KCNH1: variants seen among roughly 807,000 people sequenced by gnomAD.
KCNH1 encodes voltage-gated delayed rectifier potassium channel KCNH1.
KCNH1 carries 27 observed loss-of-function variants against 69.2 expected under a neutral mutation model. That is an observed-to-expected ratio of 0.39 (90% CI 0.29 to 0.54). The LOEUF (loss-of-function observed/expected upper bound fraction) is 0.54, where lower values mean the gene tolerates loss of function less well. Ranked by LOEUF, KCNH1 falls within the 20% of genes least tolerant of loss-of-function variation. The pLI, the probability that KCNH1 is intolerant of heterozygous loss-of-function variation, is 0.68. For synonymous variants in KCNH1, 456 were observed against 487.7 expected (o/e 0.93, Z 0.86); for missense variants, 798 against 1,261.6 (o/e 0.63, Z 5.57).
intron 7 of KCNH1, among the ~76,000 whole-genome samples, chr1:210,848,688 G>A (rs1685614514): frequency 6.6e-6 from 1 of 152,008 alleles, no homozygotes; most frequent in Non-Finnish European, 1.5e-5. Flanking sequence ...ACATTTTTCT[G>A]TATGAAAAAT....
chr1:211,024,567 G>A (rs573413006), intron 5 of KCNH1, among the ~76,000 whole-genome samples: 1 of 152,124 alleles, frequency 6.6e-6, no homozygotes, highest in African/African-American at 2.4e-5. Context: ...TTCTATGTAC[G>A]GCTGGGTGTA....
At chr1:210,846,314 G>T (rs1375376931) in intron 7 of KCNH1, among the ~76,000 whole-genome samples, 2 of 152,112 alleles carry the variant, frequency 1.3e-5, no homozygotes, top group African/African-American at 2.4e-5. Flanking sequence ...GCATCACGCT[G>T]CCTGACTTCA....
At chr1:210,702,421 T>C (rs192078794) in intron 10 of KCNH1, among the ~76,000 whole-genome samples, 460 of 152,356 alleles carry the variant, frequency 3.0e-3, no homozygotes, top group African/African-American at 0.011. Context: ...TCTTTGTCTT[T>C]TTATCTTCTA....
chr1:211,110,543 C>T (rs1168090980), intron 1 of KCNH1, among the ~76,000 whole-genome samples: 1 of 151,986 alleles, frequency 6.6e-6, no homozygotes, highest in Non-Finnish European at 1.5e-5. Flanking sequence ...AGGTAAGCAC[C>T]TTATTAATTT....
rs575647277 is a variant in KCNH1 at position 211,052,331 on chromosome 1, G to A, written c.558+30449C>T. 7.7e-4 allele frequency among the ~76,000 whole-genome samples: 117 copies of A among 152,258 alleles called. 1 individual carries two copies. Among genetic ancestry groups the A allele is most frequent in the African/African-American group, 2.5e-3 (105 of 41,558 alleles). On this transcript the variant is annotated intron_variant, in intron 5 of 10. Coordinates refer to ENST00000271751, the MANE Select transcript of KCNH1 (RefSeq NM_172362.3). ...GCTCATTTTCAATGTACCATGAAGC[G>A]GTCGTCCAAAACACCCCAGTAATAG...
chr1:210,963,810 A>G (rs549067839), intron 6 of KCNH1, among the ~76,000 whole-genome samples: 2 of 152,272 alleles, frequency 1.3e-5, no homozygotes, highest in Non-Finnish European at 2.9e-5. Context: ...CCAAACCTAC[A>G]TTTGATTGGT....
At chr1:210,825,025 A>G (rs1421872093) in intron 7 of KCNH1, among the ~76,000 whole-genome samples, 1 of 152,212 alleles carries the variant, frequency 6.6e-6, no homozygotes, top group African/African-American at 2.4e-5. Context: ...GGCAGATAAC[A>G]GTTTTTCATC....
intron 5 of KCNH1, among the ~76,000 whole-genome samples, chr1:211,066,344 A>C (rs1157402355): frequency 6.6e-6 from 1 of 152,186 alleles, no homozygotes; most frequent in African/African-American, 2.4e-5. Flanking sequence ...GGGACCAAAA[A>C]TTCTGGATGT....
At chr1:210,753,851 T>C (rs1289000991) in intron 10 of KCNH1, among the ~76,000 whole-genome samples, 4 of 152,078 alleles carry the variant, frequency 2.6e-5, no homozygotes, top group African/African-American at 9.7e-5. Flanking sequence ...CAAAGAACAA[T>C]TGACCACCAT....
At chr1:210,978,320 G>C (rs1244493469) in intron 6 of KCNH1, among the ~76,000 whole-genome samples, 2 of 152,168 alleles carry the variant, frequency 1.3e-5, no homozygotes, top group African/African-American at 2.4e-5. Flanking sequence ...TTACAGGCAT[G>C]AGCCACCGCG....
chr1:210,949,939 G>A (rs1003275628), intron 6 of KCNH1, among the ~76,000 whole-genome samples: 1 of 152,180 alleles, frequency 6.6e-6, no homozygotes, highest in African/African-American at 2.4e-5. Context: ...TGGAAAAACG[G>A]CAAATCAACC....
chr1:210,698,073 G>A (rs1422063020), intron 10 of KCNH1, among the ~76,000 whole-genome samples: 3 of 152,158 alleles, frequency 2.0e-5, no homozygotes, highest in Non-Finnish European at 4.4e-5. Context: ...ATCCAATATA[G>A]AACAGGAAGG....
In KCNH1 at chr1:210,735,818, CACAGAGAGAG is replaced by C. The variant is rs1482542196; in HGVS notation, c.2112+39520_2112+39529del. ...ACACAGACACACACACACACACACA[CACAGAGAGAG>C]AGAGAGAGAGAGAGCGCACAAGAGA... On this transcript the variant is annotated intron_variant, in intron 10 of 10. Coordinates refer to ENST00000271751, the MANE Select transcript of KCNH1 (RefSeq NM_172362.3). Among the ~76,000 whole-genome samples, 3 of 149,832 alleles carry C rather than the reference CACAGAGAGAG, an allele frequency of 2.0e-5. No individual in the cohort carries two copies. The East Asian group carries it at 6.0e-4, about 30-fold the overall frequency.
At chr1:210,954,970 T>C (rs953971904) in intron 6 of KCNH1, among the ~76,000 whole-genome samples, 7 of 152,310 alleles carry the variant, frequency 4.6e-5, no homozygotes, top group African/African-American at 7.2e-5. Context: ...TCATGAAGTC[T>C]TTGCCCATGC....
At chr1:210,872,609 G>T (rs904860135) in intron 7 of KCNH1, among the ~76,000 whole-genome samples, 2 of 152,118 alleles carry the variant, frequency 1.3e-5, no homozygotes, top group Non-Finnish European at 1.5e-5. Context: ...TACAATCATG[G>T]CAAAAGGTAA....
chr1:210,935,864 C>T (rs1687767566), intron 6 of KCNH1, among the ~76,000 whole-genome samples: 1 of 152,196 alleles, frequency 6.6e-6, no homozygotes. Context: ...TATACTGATG[C>T]AATTCAATTG....
chr1:211,079,379 A>G (rs1182290145), intron 5 of KCNH1, among the ~76,000 whole-genome samples: 1 of 152,208 alleles, frequency 6.6e-6, no homozygotes, highest in Non-Finnish European at 1.5e-5. Context: ...GCGAAATTCT[A>G]CCAGAGCTAC....
At chr1:210,942,763 A>G (rs921562209) in intron 6 of KCNH1, among the ~76,000 whole-genome samples, 2 of 151,136 alleles carry the variant, frequency 1.3e-5, no homozygotes, top group African/African-American at 4.9e-5. Flanking sequence ...TCACCTGATA[A>G]GGTTATTAAA....
intron 6 of KCNH1, among the ~76,000 whole-genome samples, chr1:211,005,502 T>G (rs773520917): frequency 1.1e-4 from 16 of 152,052 alleles, no homozygotes; most frequent in Non-Finnish European, 2.1e-4. Context: ...TGAAGACAAG[T>G]GAAGAAAGGA....
Sources: allele counts gnomAD v4.1 joint callset (sites outside exome capture counted in the v4.1 genomes callset), GRCh38; gene constraint gnomAD v4.1.1; transcripts MANE v1.5; gene names NCBI Gene and HGNC (gene_info 2026-07-23, HGNC 2026-07-21).